The following AKIRIN2 variants were observed in gnomAD, a reference collection of about 807,000 sequenced individuals.
AKIRIN2 encodes akirin-2.
Under a neutral mutation model 29.3 loss-of-function variants are expected in AKIRIN2, and 6 were observed. The ratio of observed to expected loss-of-function variants is 0.20; its 90% CI spans 0.11 to 0.40. AKIRIN2 has a LOEUF of 0.40. Among genes scored for constraint, AKIRIN2 ranks in the 10% least tolerant of loss-of-function variants. AKIRIN2 has a pLI of 1.00. For synonymous variants in AKIRIN2, 128 were observed against 117.5 expected (o/e 1.09, Z -0.58); for missense variants, 210 against 276.1 (o/e 0.76, Z 1.70).
intron 2 of AKIRIN2, among the ~76,000 whole-genome samples, chr6:87,681,411 T>C (rs1771120427): frequency 6.6e-6 from 1 of 152,242 alleles, no homozygotes; most frequent in African/African-American, 2.4e-5. Flanking sequence ...GGGGATATTA[T>C]ATGCAGGTGG....
chr6:87,702,228 A>C lies in AKIRIN2; in HGVS notation c.-544T>G. 2.5e-6 allele frequency: 1 copy of C among 397,178 alleles called. No homozygotes were observed. The highest frequency in any genetic ancestry group is 4.4e-6 in the Non-Finnish European group (1 of 225,574). The allele number at this position is 397,178 out of a possible 1,614,324, so 24.6% of individuals were successfully genotyped here. On this transcript the variant is annotated 5_prime_UTR_variant, in exon 1 of 5. Transcript: ENST00000257787. ...TCCAACCGCTTCCCCTCCCTCGTAG[A>C]ACTCTCCCACCCGCCGCCGGCCCCA...
At chr6:87,678,089 T>C in intron 2 of AKIRIN2, 122 bp from the exon 3 acceptor site, 1 of 906,494 alleles carries the variant, frequency 1.1e-6, no homozygotes. Context: ...TAAAATCAGA[T>C]TTTAAGCACA....
At chr6:87,686,325 G>C (rs1213770194) in intron 1 of AKIRIN2, among the ~76,000 whole-genome samples, 4 of 152,068 alleles carry the variant, frequency 2.6e-5, no homozygotes, top group East Asian at 3.8e-4. Context: ...AATATAAACA[G>C]GAGAATGTAG....
intron 1 of AKIRIN2, among the ~76,000 whole-genome samples, chr6:87,689,935 C>T (rs1034160382): frequency 2.6e-5 from 4 of 152,126 alleles, no homozygotes; most frequent in East Asian, 1.9e-4. Context: ...CTCTTGGCCA[C>T]GGGCGGTGGC....
chr6:87,676,435 C>A (rs1205233665), intron 3 of AKIRIN2, among the ~76,000 whole-genome samples: 1 of 105,332 alleles, frequency 9.5e-6, no homozygotes, highest in Non-Finnish European at 1.8e-5. Context: ...CACTGCACTC[C>A]AGCCTGGGCA....
chr6:87,675,802 C>G (rs950478763), intron 4 of AKIRIN2, 58 bp downstream of exon 4: 1 of 1,523,904 alleles, frequency 6.6e-7, no homozygotes. Context: ...ATTATAATGT[C>G]TTCTCCTTAA....
chr6:87,679,249 T>C (rs924715905), intron 2 of AKIRIN2, among the ~76,000 whole-genome samples: 3 of 151,998 alleles, frequency 2.0e-5, no homozygotes, highest in Non-Finnish European at 2.9e-5. Flanking sequence ...TTCTGGAACC[T>C]AGCTTGTGTG....
chr6:87,682,997 C>T (rs982638478), intron 1 of AKIRIN2, among the ~76,000 whole-genome samples: 4 of 152,086 alleles, frequency 2.6e-5, no homozygotes, highest in Admixed American at 2.0e-4. Context: ...TGGTGGTTTT[C>T]GTAGATAACC....
chr6:87,691,685 T>C (rs1298631600), intron 1 of AKIRIN2, among the ~76,000 whole-genome samples: 1 of 151,758 alleles, frequency 6.6e-6, no homozygotes, highest in African/African-American at 2.4e-5. Flanking sequence ...TAGAGGGAAA[T>C]TGTAGTCAAA....
intron 1 of AKIRIN2, among the ~76,000 whole-genome samples, chr6:87,698,776 T>C (rs889217848): frequency 6.6e-6 from 1 of 152,308 alleles, no homozygotes; most frequent in Admixed American, 6.5e-5. Context: ...TTGCAACAGT[T>C]TGAAAAATAT....
chr6:87,700,394 G>A (rs920976272), intron 1 of AKIRIN2: 1 of 152,092 alleles, frequency 6.6e-6, no homozygotes, highest in African/African-American at 2.4e-5. Context: ...TTGTCTAAAG[G>A]GTGATATTAT....
At chr6:87,690,668 A>G (rs1022918118) in intron 1 of AKIRIN2, among the ~76,000 whole-genome samples, 3 of 152,232 alleles carry the variant, frequency 2.0e-5, no homozygotes, top group African/African-American at 7.2e-5. Context: ...CTTATTAAAA[A>G]GAGGAATTAA....
At chr6:87,695,682 TATC>T (rs1430742035) in intron 1 of AKIRIN2, among the ~76,000 whole-genome samples, 1 of 152,198 alleles carries the variant, frequency 6.6e-6, no homozygotes, top group Non-Finnish European at 1.5e-5. Context: ...CTAATACCAT[TATC>T]TAGTTTCATG....
At chr6:87,697,448 T>C (rs1446758137) in intron 1 of AKIRIN2, among the ~76,000 whole-genome samples, 1 of 152,006 alleles carries the variant, frequency 6.6e-6, no homozygotes, top group Non-Finnish European at 1.5e-5. Context: ...AAATAGAATA[T>C]CAGGTTTAAG....
intron 1 of AKIRIN2, among the ~76,000 whole-genome samples, chr6:87,697,368 T>C (rs1222412005): frequency 1.4e-5 from 2 of 147,612 alleles, no homozygotes; most frequent in Non-Finnish European, 3.0e-5. Context: ...TTAATGGCCA[T>C]AAACTTACAG....
At chr6:87,687,558 A>C (rs570896874) in intron 1 of AKIRIN2, among the ~76,000 whole-genome samples, 11 of 152,204 alleles carry the variant, frequency 7.2e-5, no homozygotes, top group Middle Eastern at 3.4e-3. Flanking sequence ...CCTTGATTGA[A>C]TCTTAAGGAC....
At chr6:87,676,918 T>C (rs1487099028) in intron 3 of AKIRIN2, among the ~76,000 whole-genome samples, 4 of 147,424 alleles carry the variant, frequency 2.7e-5, no homozygotes, top group Non-Finnish European at 6.0e-5. Flanking sequence ...CTACTAAAAA[T>C]ACAAGAAAAT....
chr6:87,693,742 AG>A (rs1347313080), intron 1 of AKIRIN2, among the ~76,000 whole-genome samples: 4 of 151,600 alleles, frequency 2.6e-5, no homozygotes. Flanking sequence ...AAAAAAAAAA[AG>A]TGAAGAATTA....
chr6:87,696,881 C>T lies in AKIRIN2; in HGVS notation c.235+4569G>A, dbSNP rs1392185980. ...ATTAGCCGGGCGTGGTGGTGTGCGC[C>T]TGTAATCCCGGCTACTCAGGAGGCT... On this transcript the variant is annotated intron_variant, in intron 1 of 4. Transcript: ENST00000257787. 2.6e-5 allele frequency among the ~76,000 whole-genome samples: 4 copies of T among 151,502 alleles called. No homozygotes were observed. The South Asian group carries it at 8.3e-4, about 32-fold the overall frequency.
Sources: allele counts gnomAD v4.1 joint callset (sites outside exome capture counted in the v4.1 genomes callset), GRCh38; gene constraint gnomAD v4.1.1; transcripts MANE v1.5; gene names NCBI Gene and HGNC (gene_info 2026-07-23, HGNC 2026-07-21).